Variants in GLIS1 observed in about 807,000 individuals in gnomAD.
GLIS1 encodes the protein zinc finger protein GLIS1.
GLIS1 carries 24 observed loss-of-function variants against 63.8 expected under a neutral mutation model. The ratio of observed to expected loss-of-function variants is 0.38; its 90% CI spans 0.27 to 0.53. The LOEUF (loss-of-function observed/expected upper bound fraction) is 0.53. Ranked by LOEUF, GLIS1 falls within the 20% of genes least tolerant of loss-of-function variation. The pLI is 0.85. For missense variants in GLIS1, 1,036 were observed against 1,074.1 expected (o/e 0.96, Z 0.50); for synonymous variants, 450 against 482.5 (o/e 0.93, Z 0.88).
rs1415715042 is a variant in GLIS1, at chr1:53,514,755, G to T, written c.1753C>A (p.His585Asn). ...PGVYPGSITP[H>N]NGLASGLLPP... ...AGGAGGCCCGATGCAAGTCCGTTAT[G>T]GGGGGTGATGGAGCCAGGATACACA... The change falls in exon 8 of 11, where the codon CAT becomes AAT. Residue 585 changes from histidine (H) to asparagine (N), a missense_variant. His to Asn is a moderately conservative substitution (Grantham distance 68). Coordinates refer to ENST00000628545, the MANE Select transcript of GLIS1 (RefSeq NM_001367484.1). The T allele has an allele frequency of 3.1e-6, 5 of 1,604,286 alleles. No individual in the cohort carries two copies. Among genetic ancestry groups the T allele is most frequent in the Non-Finnish European group, 4.3e-6 (5 of 1,175,402 alleles).
At position 53,600,086 on chromosome 1, in the gene GLIS1, G is replaced by A; in HGVS notation, c.437+15C>T. ...CTCCTGGGAGTGTCCACAGAAAGCA[G>A]CTGCCCACACCTACCTGTCAGGGTG... is the stretch of plus-strand genomic sequence containing the variant. On this transcript the variant is annotated intron_variant, in intron 3 of 10. Coordinates refer to ENST00000628545, the MANE Select transcript of GLIS1 (RefSeq NM_001367484.1). The A allele has an allele frequency of 8.2e-7, 1 of 1,223,176 alleles. No individual in the cohort carries two copies. The highest frequency in any genetic ancestry group is 1.0e-6 in the Non-Finnish European group (1 of 979,620). 75.8% of individuals were successfully genotyped at this position (1,223,176 alleles called of 1,614,324 possible). A position where few individuals can be genotyped will look rare whatever the true frequency, so the allele number is the denominator to read the frequency against.
intron 4 of GLIS1, among the ~76,000 whole-genome samples, chr1:53,548,682 G>C (rs1644729324): frequency 6.6e-6 from 1 of 152,130 alleles, no homozygotes; most frequent in Non-Finnish European, 1.5e-5. Flanking sequence ...GTCAAGCGTG[G>C]GCCAGATTTT....
intron 2 of GLIS1, among the ~76,000 whole-genome samples, chr1:53,651,841 T>C (rs1645911312): frequency 7.1e-6 from 1 of 140,762 alleles, no homozygotes; most frequent in African/African-American, 2.8e-5. Flanking sequence ...GCCACTGCAC[T>C]CCAGACTGGG....
intron 7 of GLIS1, among the ~76,000 whole-genome samples, chr1:53,516,536 T>TAA (rs879486758): frequency 1.4e-5 from 2 of 144,508 alleles, no homozygotes; most frequent in Middle Eastern, 3.3e-3. Context: ...TGGAAACCGT[T>TAA]AAAAAAAAAA....
chr1:53,716,399 G>T (rs182095984), intron 2 of GLIS1, among the ~76,000 whole-genome samples: 1 of 152,210 alleles, frequency 6.6e-6, no homozygotes, highest in East Asian at 1.9e-4. Flanking sequence ...AAAGGGGAGG[G>T]TCAGTAGATC....
At chr1:53,634,355 G>T (rs530978678) in intron 2 of GLIS1, among the ~76,000 whole-genome samples, 63 of 152,104 alleles carry the variant, frequency 4.1e-4, no homozygotes, top group Non-Finnish European at 7.5e-4. Flanking sequence ...GAAAAGAAAG[G>T]GTCCAAGGGC....
At position 53,530,960 on chromosome 1, in the gene GLIS1, G is replaced by C. The variant is rs1250900988; in HGVS notation, c.1321-1008C>G. ...CGGGCGCCTGCTACATCCAGGTGTG[G>C]TGCTGGGTGTTGGACACACAACAGC... On this transcript the variant is annotated intron_variant, in intron 4 of 10. Transcript: ENST00000628545. 3.3e-5 allele frequency among the ~76,000 whole-genome samples: 5 copies of C among 152,228 alleles called. No individual in the cohort carries two copies. The East Asian group carries it at 9.6e-4, about 29-fold the overall frequency.
chr1:53,570,374 A>G (rs996278692), intron 4 of GLIS1, among the ~76,000 whole-genome samples: 1 of 152,090 alleles, frequency 6.6e-6, no homozygotes, highest in Admixed American at 6.6e-5. Context: ...CTCCCACCCC[A>G]GTCTCACAAG....
At chr1:53,622,427 C>CAAAAAAAAAAAAAAAAAAAAAAAAA (rs60923620) in intron 2 of GLIS1, among the ~76,000 whole-genome samples, 1 of 132,308 alleles carries the variant, frequency 7.6e-6, no homozygotes, top group African/African-American at 3.0e-5. Flanking sequence ...GACTATGTCT[C>CAAAAAAAAAAAAAAAAAAAAAAAAA]AAAAAAAAAA....
At chr1:53,595,729 G>A (rs912529883) in intron 3 of GLIS1, among the ~76,000 whole-genome samples, 12 of 152,140 alleles carry the variant, frequency 7.9e-5, no homozygotes, top group Admixed American at 1.3e-4. Context: ...CTTAATTTTT[G>A]TAATCTAGCT....
In GLIS1 at chr1:53,514,730, A is replaced by C. The variant is rs575417991; in HGVS notation, c.1778T>G (p.Leu593Arg). ...TPHNGLASGL[L>R]PPAHDVPSRH... The stretch of plus-strand genomic sequence containing the variant: ...GGAAGGTACGTCGTGCGCTGGGGGC[A>C]GGAGGCCCGATGCAAGTCCGTTATG... Residue 593 changes from leucine to arginine, a missense_variant, in exon 8 of 11, where the codon CTG (leucine) becomes CGG (arginine). Coordinates refer to ENST00000628545, the MANE Select transcript of GLIS1 (RefSeq NM_001367484.1). 3 of 1,612,142 alleles carry C rather than the reference A, an allele frequency of 1.9e-6. No individual in the cohort carries two copies. Among genetic ancestry groups the C allele is most frequent in the South Asian group, 1.1e-5 (1 of 90,670 alleles).
chr1:53,671,216 C>T (rs1233664923), intron 2 of GLIS1, among the ~76,000 whole-genome samples: 8 of 152,084 alleles, frequency 5.3e-5, no homozygotes, highest in Non-Finnish European at 1.0e-4. Context: ...TACAGAAGAA[C>T]AGGAAAGTGA....
intron 2 of GLIS1, among the ~76,000 whole-genome samples, chr1:53,605,250 A>G (rs1645358483): frequency 6.6e-6 from 1 of 151,978 alleles, no homozygotes; most frequent in Non-Finnish European, 1.5e-5. Flanking sequence ...GGCCACTACA[A>G]CCTAGACTCC....
intron 4 of GLIS1, among the ~76,000 whole-genome samples, chr1:53,545,312 T>C (rs992301178): frequency 6.6e-6 from 1 of 151,940 alleles, no homozygotes; most frequent in African/African-American, 2.4e-5. Flanking sequence ...CCTGATGGGG[T>C]AGACACAGGC....
In GLIS1 at chr1:53,646,098, T is replaced by C. The variant is rs1374462618; in HGVS notation, c.260-45820A>G. 1.3e-5 allele frequency among the ~76,000 whole-genome samples: 2 copies of C among 152,182 alleles called. No individual in the cohort carries two copies. The highest frequency in any genetic ancestry group is 4.8e-5 in the African/African-American group (2 of 41,434). On this transcript the variant is annotated intron_variant, in intron 2 of 10. Coordinates refer to ENST00000628545, the MANE Select transcript of GLIS1 (RefSeq NM_001367484.1). This position sits in a 1 kb window ranked among gnomAD's most constrained non-coding sequence, Gnocchi z 4.2. ...AAAAAGCAAATCTCAGTATACCGAA[T>C]AAAGTTCAAAATCCACTAAAATGGA...
chr1:53,604,955 T>TATAC lies in GLIS1; in HGVS notation c.260-4678_260-4677insGTAT, dbSNP rs1240698470. On this transcript the variant is annotated intron_variant, in intron 2 of 10. Transcript: ENST00000628545. ...GTGTATATATATACATATATATATATACACACACACACACACAAATGAGTG... is the reference window on the plus strand; with the variant it reads ...GTGTATATATATACATATATATATATATACACACACACACACACACAAATGAGTG... Among the ~76,000 whole-genome samples the TATAC allele has an allele frequency of 5.3e-5, 8 of 149,948 alleles. No homozygotes were observed. The East Asian group carries it at 9.9e-4, about 19-fold the overall frequency.
Position 53,726,249 on chromosome 1 carries a change from G to A in GLIS1, c.259+11557C>T, listed in dbSNP as rs559056411. 2.0e-5 allele frequency among the ~76,000 whole-genome samples: 3 copies of A among 152,130 alleles called. No individual in the cohort carries two copies. In the East Asian group the frequency reaches 5.8e-4, roughly 29 times the overall value. On this transcript the variant is annotated intron_variant, in intron 2 of 10. Transcript: ENST00000628545. ...GGTGTGTAGAAGGGGCGGGTAGGTC[G>A]GCAGCTAACACCTACCAGCTCTAGA...
intron 2 of GLIS1, among the ~76,000 whole-genome samples, chr1:53,623,204 T>C (rs1645563865): frequency 6.6e-6 from 1 of 152,138 alleles, no homozygotes; most frequent in South Asian, 2.1e-4. Context: ...TATATATTAA[T>C]AGAAAAGATA....
At chr1:53,634,102 G>A (rs950846331) in intron 2 of GLIS1, among the ~76,000 whole-genome samples, 3 of 152,320 alleles carry the variant, frequency 2.0e-5, no homozygotes, top group Non-Finnish European at 4.4e-5. Context: ...TGGAGTTGCC[G>A]TTTCCTGGGA....
Sources: allele counts gnomAD v4.1 joint callset (sites outside exome capture counted in the v4.1 genomes callset), GRCh38; gene constraint gnomAD v4.1.1; non-coding constraint Gnocchi (gnomAD v3.1); transcripts MANE v1.5; gene names NCBI Gene and HGNC (gene_info 2026-07-23, HGNC 2026-07-21).